Variants in OVCH1 observed in about 807,000 individuals in gnomAD.
The protein encoded by OVCH1 is ovochymase 1, also known as ovochymase-1.
A neutral mutation model predicts 138.4 loss-of-function variants in OVCH1; 139 were observed. The observed-to-expected ratio is 1.00, with a 90% CI of 0.87 to 1.16. The LOEUF (loss-of-function observed/expected upper bound fraction) is 1.16. Among genes scored for constraint, OVCH1 ranks in the 50% most tolerant of loss-of-function variants. The pLI, the probability that OVCH1 is intolerant of heterozygous loss-of-function variation, is 0.00. For missense variants in OVCH1, 1,367 were observed against 1,357.9 expected (o/e 1.01, Z -0.11); for synonymous variants, 453 against 467.8 (o/e 0.97, Z 0.41).
chr12:29,424,323 G>A (rs1472778342), downstream of OVCH1, among the ~76,000 whole-genome samples: 1 of 152,134 alleles, frequency 6.6e-6, no homozygotes, highest in African/African-American at 2.4e-5. Flanking sequence ...ATCCTGGGTG[G>A]GCCAGGTGTT....
chr12:29,431,590 A>AT (rs1282441555), intron 27 of OVCH1, among the ~76,000 whole-genome samples: 1 of 152,012 alleles, frequency 6.6e-6, no homozygotes. Context: ...TATTGTGACC[A>AT]TTTTTCCATG....
chr12:29,414,107 C>T (rs1941001297), intron 3 of OVCH1, among the ~76,000 whole-genome samples: 1 of 150,560 alleles, frequency 6.6e-6, no homozygotes, highest in Non-Finnish European at 1.5e-5. Context: ...GCAACCTCTA[C>T]CTCCACCTTC....
At chr12:29,489,550 T>C in intron 6 of OVCH1, 70 bp downstream of exon 6, 1 of 1,459,458 alleles carries the variant, frequency 6.9e-7, no homozygotes, top group South Asian at 1.4e-5. Flanking sequence ...ATGAGCTTCT[T>C]TTGGGGAAAG....
At chr12:29,488,478 G>GCA (rs1348723827) in intron 6 of OVCH1, among the ~76,000 whole-genome samples, 4 of 151,828 alleles carry the variant, frequency 2.6e-5, no homozygotes, top group Non-Finnish European at 4.4e-5. Flanking sequence ...AATTAGCTGG[G>GCA]CATGGTGGTG....
intron 27 of OVCH1, among the ~76,000 whole-genome samples, chr12:29,430,063 T>C (rs903725528): frequency 6.6e-6 from 1 of 152,234 alleles, no homozygotes; most frequent in Non-Finnish European, 1.5e-5. Context: ...TCCTATTTCA[T>C]ACATGATCTT....
intron 22 of OVCH1, among the ~76,000 whole-genome samples, chr12:29,446,720 TG>T (rs1230106712): frequency 6.6e-6 from 1 of 152,054 alleles, no homozygotes; most frequent in Non-Finnish European, 1.5e-5. Flanking sequence ...ATTGAAATAG[TG>T]CTATCAATTG....
chr12:29,436,062 CTCAA>C (rs1469920982), intron 26 of OVCH1, among the ~76,000 whole-genome samples: 3 of 152,030 alleles, frequency 2.0e-5, no homozygotes, highest in Non-Finnish European at 4.4e-5. Flanking sequence ...GATTTTCTCA[CTCAA>C]TATGACAGGT....
At chr12:29,481,266 G>A (rs572734807) in intron 8 of OVCH1, among the ~76,000 whole-genome samples, 1 of 152,208 alleles carries the variant, frequency 6.6e-6, no homozygotes, top group Admixed American at 6.5e-5. Context: ...AGTGTTTGGT[G>A]ACTCAGCCTT....
At chr12:29,405,034 A>AGC in the OVCH1 span, among the ~76,000 whole-genome samples, 1 of 144,046 alleles carries the variant, frequency 6.9e-6, no homozygotes, top group African/African-American at 2.5e-5. Context: ...AAAAAAAAAA[A>AGC]AAAAAAAAAA....
intron 14 of OVCH1, among the ~76,000 whole-genome samples, chr12:29,473,851 C>T (rs182237616): frequency 1.8e-4 from 28 of 152,192 alleles, no homozygotes; most frequent in Middle Eastern, 3.4e-3. Flanking sequence ...TAATCAGCTT[C>T]CAGCTAACAT....
chr12:29,496,770 G>T, intron 1 of OVCH1, 96 bp from the exon 2 acceptor site: 1 of 869,714 alleles, frequency 1.1e-6, no homozygotes, highest in Non-Finnish European at 1.8e-6. Context: ...GCCTGGCACA[G>T]ACATTCTGAT....
At chr12:29,417,721 A>G (rs1941049497) in intron 3 of OVCH1, among the ~76,000 whole-genome samples, 1 of 151,928 alleles carries the variant, frequency 6.6e-6, no homozygotes, top group African/African-American at 2.4e-5. Context: ...TATCCCTGAG[A>G]TTGTGACTTA....
exon 2 of OVCH1, chr12:29,496,610 G>A (rs757347992): frequency 1.2e-6 from 2 of 1,613,830 alleles, no homozygotes; most frequent in Non-Finnish European, 1.7e-6. Context: ...TTCTAGAGAA[G>A]AATCTAGATC....
intron 22 of OVCH1, among the ~76,000 whole-genome samples, chr12:29,449,251 C>T (rs1941705140): frequency 9.7e-6 from 1 of 103,134 alleles, no homozygotes; most frequent in East Asian, 2.5e-4. Flanking sequence ...AGAAGTTGAG[C>T]CCTCTTGCCT....
chr12:29,405,054 A>C, the OVCH1 span, among the ~76,000 whole-genome samples: 3 of 114,286 alleles, frequency 2.6e-5, no homozygotes, highest in African/African-American at 8.9e-5. Flanking sequence ...AAAAAAAAAA[A>C]AACAAAAGAA....
At chr12:29,443,105 T>C (rs554843036) in intron 25 of OVCH1, among the ~76,000 whole-genome samples, 1 of 152,268 alleles carries the variant, frequency 6.6e-6, no homozygotes, top group Admixed American at 6.6e-5. Flanking sequence ...TCTTTATTTT[T>C]AGTATTTCTG....
chr12:29,424,214 G>T (rs1941146625), downstream of OVCH1, among the ~76,000 whole-genome samples: 1 of 152,220 alleles, frequency 6.6e-6, no homozygotes, highest in African/African-American at 2.4e-5. Flanking sequence ...CGAAATAAAG[G>T]GATGGGTTTG....
intron 27 of OVCH1, among the ~76,000 whole-genome samples, chr12:29,428,006 C>T (rs940675148): frequency 6.6e-6 from 1 of 152,150 alleles, no homozygotes; most frequent in Non-Finnish European, 1.5e-5. Context: ...AAGAGAAAAG[C>T]AGTCCCTGAC....
intron 27 of OVCH1, among the ~76,000 whole-genome samples, chr12:29,428,977 G>A (rs1941224287): frequency 6.6e-6 from 1 of 152,178 alleles, no homozygotes; most frequent in Non-Finnish European, 1.5e-5. Context: ...AGTGAGTGTA[G>A]CTCACTGGTA....
Sources: gnomAD v4.1 joint callset for allele counts (sites outside exome capture counted in the v4.1 genomes callset) on GRCh38, gnomAD v4.1.1 for gene constraint, MANE v1.5 for transcripts, NCBI Gene and HGNC (gene_info 2026-07-23, HGNC 2026-07-21) for gene names.